TEX9: variants seen among roughly 807,000 people sequenced by gnomAD.
TEX9 encodes the protein testis-expressed protein 9.
TEX9 carries 74 observed loss-of-function variants against 59.6 expected under a neutral mutation model. The ratio of observed to expected loss-of-function variants is 1.24; its 90% confidence interval spans 1.03 to 1.51. The LOEUF (loss-of-function observed/expected upper bound fraction) is 1.51. TEX9 is among the 40% of genes most tolerant of loss of function. TEX9 has a pLI of 0.00. For synonymous variants in TEX9, 186 were observed against 152.2 expected, an observed-to-expected ratio of 1.22 and a Z score of -1.64; for missense variants, 522 against 447.8, an observed-to-expected ratio of 1.17 and a Z score of -1.49.
In TEX9 at chr15:56,380,428, T is replaced by C. The variant is rs1567110384; in HGVS notation, c.184-3524T>C. On this transcript the variant is annotated intron_variant, in intron 3 of 12. Transcript: ENST00000352903. ...TTTTTAATTGGCTCATCATTTAGTCTTTCTACTTTAGAGTAGTTTACACTC... is the reference window on the plus strand; with the variant it reads ...TTTTTAATTGGCTCATCATTTAGTCCTTCTACTTTAGAGTAGTTTACACTC... Among the ~76,000 whole-genome samples, 7 of 147,420 alleles carry C rather than the reference T, an allele frequency of 4.7e-5. No individual in the cohort carries two copies. The South Asian group carries it at 1.2e-3, about 26-fold the overall frequency.
At chr15:56,348,508 T>G (rs1276882356) in intron 1 of TEX9, among the ~76,000 whole-genome samples, 1 of 152,146 alleles carries the variant, frequency 6.6e-6, no homozygotes, top group Non-Finnish European at 1.5e-5. Context: ...ATATTTTTGC[T>G]AAATAAACAA....
intron 12 of TEX9, among the ~76,000 whole-genome samples, chr15:56,444,917 TTAA>T (rs1453875154): frequency 6.6e-6 from 1 of 152,054 alleles, no homozygotes; most frequent in East Asian, 1.9e-4. Context: ...ATAAGGATTA[TTAA>T]TAACTCCACA....
chr15:56,259,457 G>T (rs1469758060), intron 1 of TEX9, among the ~76,000 whole-genome samples: 1 of 151,916 alleles, frequency 6.6e-6, no homozygotes, highest in Non-Finnish European at 1.5e-5. Flanking sequence ...TAAGGTTAAA[G>T]TCTGTTTCAT....
At chr15:56,329,907 A>G (rs1232532495) in intron 1 of TEX9, among the ~76,000 whole-genome samples, 1 of 152,186 alleles carries the variant, frequency 6.6e-6, no homozygotes, top group Non-Finnish European at 1.5e-5. Context: ...TATTATTAAT[A>G]TCCAAGTACA....
intron 1 of TEX9, among the ~76,000 whole-genome samples, chr15:56,325,114 A>G (rs992678422): frequency 6.6e-6 from 1 of 152,220 alleles, no homozygotes; most frequent in Non-Finnish European, 1.5e-5. Context: ...TCCTTGGTAG[A>G]TGAGTATGTG....
chr15:56,259,582 T>C (rs1312444507), intron 1 of TEX9, among the ~76,000 whole-genome samples: 1 of 152,066 alleles, frequency 6.6e-6, no homozygotes, highest in Non-Finnish European at 1.5e-5. Flanking sequence ...TTCTAGATGC[T>C]CCCTTTTGGT....
chr15:56,295,615 G>C (rs1330611473), intron 1 of TEX9, among the ~76,000 whole-genome samples: 4 of 152,170 alleles, frequency 2.6e-5, no homozygotes, highest in African/African-American at 9.7e-5. Context: ...TATTGCTTTT[G>C]CCTTTGTACC....
intron 10 of TEX9, among the ~76,000 whole-genome samples, chr15:56,426,637 AAACACAC>A (rs2050290844): frequency 4.2e-5 from 4 of 94,498 alleles, no homozygotes; most frequent in Admixed American, 3.5e-4. Context: ...ACACACACAC[AAACACAC>A]ACACACACAC....
intron 2 of TEX9, among the ~76,000 whole-genome samples, chr15:56,368,032 T>A (rs2047024946): frequency 6.6e-6 from 1 of 152,204 alleles, no homozygotes; most frequent in African/African-American, 2.4e-5. Flanking sequence ...TCCCGTGTGA[T>A]ATGGAATAGA....
intron 1 of TEX9, among the ~76,000 whole-genome samples, chr15:56,287,679 A>G (rs551665064): frequency 2.0e-5 from 3 of 152,208 alleles, no homozygotes; most frequent in Non-Finnish European, 4.4e-5. Flanking sequence ...TCCTCAATCC[A>G]TATAACCCCA....
chr15:56,309,544 G>T (rs2045557038), intron 1 of TEX9, among the ~76,000 whole-genome samples: 1 of 151,928 alleles, frequency 6.6e-6, no homozygotes, highest in Non-Finnish European at 1.5e-5. Context: ...TCTTTGTCTG[G>T]TTTTGGTATG....
At chr15:56,386,303 G>A (rs1409235481) in intron 4 of TEX9, among the ~76,000 whole-genome samples, 1 of 151,704 alleles carries the variant, frequency 6.6e-6, no homozygotes, top group African/African-American at 2.4e-5. Flanking sequence ...AGGAACACAA[G>A]GGAACTTTTT....
chr15:56,360,185 G>A (rs1344563696), intron 1 of TEX9, among the ~76,000 whole-genome samples: 2 of 152,146 alleles, frequency 1.3e-5, no homozygotes, highest in Non-Finnish European at 2.9e-5. Context: ...ATATCAGCTT[G>A]TAGTTTTCCT....
chr15:56,279,789 A>G (rs1038168038), intron 1 of TEX9, among the ~76,000 whole-genome samples: 7 of 152,236 alleles, frequency 4.6e-5, no homozygotes, highest in Admixed American at 1.3e-4. Flanking sequence ...AGCATAATTT[A>G]CTAAAGTGAA....
At chr15:56,280,959 A>G (rs375308333) in intron 1 of TEX9, among the ~76,000 whole-genome samples, 243 of 152,336 alleles carry the variant, frequency 1.6e-3, no homozygotes, top group African/African-American at 5.7e-3. Context: ...TCATAGCTTC[A>G]GAGGGATTTA....
chr15:56,419,936 C>G (rs11631500), intron 10 of TEX9, among the ~76,000 whole-genome samples: 6,839 of 151,878 alleles, frequency 0.045, 244 homozygotes, highest in Non-Finnish European at 0.07. Context: ...ACTTCAAATT[C>G]AATTTCTTTA....
At chr15:56,389,925 G>C (rs2048129394) in intron 6 of TEX9, among the ~76,000 whole-genome samples, 1 of 151,876 alleles carries the variant, frequency 6.6e-6, no homozygotes, top group Admixed American at 6.6e-5. Context: ...ATGCTCCCTA[G>C]GATAGGATGC....
At chr15:56,360,114 C>T (rs1398826839) in intron 1 of TEX9, among the ~76,000 whole-genome samples, 1 of 152,036 alleles carries the variant, frequency 6.6e-6, no homozygotes, top group Non-Finnish European at 1.5e-5. Flanking sequence ...TCTTTTTAGA[C>T]ATTGTTGGAT....
intron 2 of TEX9, among the ~76,000 whole-genome samples, chr15:56,368,447 G>A (rs552346113): frequency 1.3e-5 from 2 of 152,114 alleles, no homozygotes; most frequent in Admixed American, 6.5e-5. Context: ...GAAAGAAGCC[G>A]AATAGTTTTC....
Sources: allele counts gnomAD v4.1 joint callset (sites outside exome capture counted in the v4.1 genomes callset), GRCh38; gene constraint gnomAD v4.1.1; transcripts MANE v1.5; gene names NCBI Gene and HGNC (gene_info 2026-07-23, HGNC 2026-07-21).